The following PRDM16 variants were observed in gnomAD, a reference collection of about 807,000 sequenced individuals.
PRDM16 encodes the protein PR/SET domain 16, also known as histone-lysine N-methyltransferase PRDM16.
PRDM16 carries 23 observed loss-of-function variants against 110.6 expected under a neutral mutation model. The ratio of observed to expected loss-of-function variants is 0.21; its 90% CI spans 0.15 to 0.29. PRDM16 has a LOEUF of 0.29. Among genes scored for constraint, PRDM16 ranks in the 10% least tolerant of loss-of-function variants. PRDM16 has a pLI of 1.00. For synonymous variants in PRDM16, 799 were observed against 781.8 expected, an observed-to-expected ratio of 1.02 and a Z score of -0.37; for missense variants, 1,615 against 1,794.3, an observed-to-expected ratio of 0.90 and a Z score of 1.81.
intron 3 of PRDM16, among the ~76,000 whole-genome samples, chr1:3,288,304 G>A (rs1640901608): frequency 1.3e-5 from 2 of 152,164 alleles, no homozygotes; most frequent in South Asian, 4.1e-4. Flanking sequence ...TGGGTGTCCT[G>A]TGTGGACCCA....
intron 3 of PRDM16, among the ~76,000 whole-genome samples, chr1:3,360,723 A>G (rs1029434497): frequency 6.6e-6 from 1 of 152,344 alleles, no homozygotes; most frequent in Non-Finnish European, 1.5e-5. Context: ...CACAGGGCCC[A>G]GCACGCCCAT....
chr1:3,235,631 C>T (rs1053424807), intron 2 of PRDM16, among the ~76,000 whole-genome samples: 6 of 152,216 alleles, frequency 3.9e-5, no homozygotes, highest in African/African-American at 1.4e-4. Flanking sequence ...CCCGCTCTCA[C>T]CTTGCTCCAT....
rs1219072155 is a variant in PRDM16, at chr1:3,081,063, C to T, written c.37+11767C>T. ...AATCGGGGGGCAGATAGCGTAGCCA[C>T]GAGGGGCTCTCTGGTTTCATGGCTG... On this transcript the variant is annotated intron_variant, in intron 1 of 16. Transcript: ENST00000270722. The surrounding 1 kb of genome is among the most constrained non-coding windows in gnomAD (Gnocchi z 4.6). 6.6e-6 allele frequency among the ~76,000 whole-genome samples: 1 copy of T among 152,098 alleles called. No homozygotes were observed. The highest frequency in any genetic ancestry group is 2.4e-5 in the African/African-American group (1 of 41,396).
chr1:3,199,230 G>A (rs1035716220), intron 2 of PRDM16, among the ~76,000 whole-genome samples: 5 of 152,292 alleles, frequency 3.3e-5, no homozygotes, highest in African/African-American at 7.2e-5. Flanking sequence ...GGGTGCCGCC[G>A]AGGAGCTTGC....
chr1:3,085,640 T>G (rs547054337), intron 1 of PRDM16, among the ~76,000 whole-genome samples: 4 of 152,196 alleles, frequency 2.6e-5, no homozygotes, highest in Non-Finnish European at 5.9e-5. Flanking sequence ...TGTGGTGTCA[T>G]CAAGAACGGG....
rs750822944 is a variant in PRDM16 at position 3,426,075 on chromosome 1, C to T, written c.3134C>T (p.Thr1045Met). 28 of 1,613,600 alleles carry T rather than the reference C, an allele frequency of 1.7e-5. No homozygotes were observed. The highest frequency in any genetic ancestry group is 1.2e-4 in the Admixed American group (7 of 59,982). ...APVSQHPGVL[T>M]NHLGTSASSP... ...GTGAGCCAGCACCCCGGGGTCCTCA[C>T]GAACCACCTGGGGACCAGCGCGTCC... Residue 1045 changes from threonine (T) to methionine (M), a missense_variant, in exon 14 of 17, where the codon ACG becomes ATG. Physicochemically the swap from Thr to Met is moderately conservative, Grantham distance 81. Transcript: ENST00000270722.
rs755741214 is a variant in PRDM16, at chr1:3,417,985, G to C, written c.2849G>C (p.Arg950Pro). The change falls in exon 11 of 17, where the codon CGA becomes CCA. Residue 950 changes from arginine (R) to proline (P), a missense_variant. Arg to Pro is a moderately radical substitution (Grantham distance 103). Around this residue, in one of 5 missense-constraint regions of PRDM16, gnomAD observed 772 missense variants for 748.3 expected, o/e 1.03. Transcript: ENST00000270722. ...SDPILRKGKE[R>P]YTCRYCGKIF... ...CCCATCCTCAGGAAGGGCAAGGAGC[G>C]ATACACGTGCAGGTGAGGGGCCCTT... 2.5e-6 allele frequency: 4 copies of C among 1,611,886 alleles called. No individual in the cohort carries two copies. The African/African-American group carries it at 5.3e-5, about 22-fold the overall frequency.
intron 3 of PRDM16, among the ~76,000 whole-genome samples, chr1:3,321,700 C>T (rs1390314295): frequency 7.1e-6 from 1 of 139,898 alleles, no homozygotes; most frequent in African/African-American, 2.7e-5. Context: ...CGTGTGTGTG[C>T]TTTGTGTGGG....
chr1:3,114,315 GCA>G (rs1184484003), intron 1 of PRDM16, among the ~76,000 whole-genome samples: 2 of 109,346 alleles, frequency 1.8e-5, no homozygotes, highest in Non-Finnish European at 3.6e-5. Context: ...GCACACACAC[GCA>G]CACACGCAGT....
intron 1 of PRDM16, among the ~76,000 whole-genome samples, chr1:3,140,492 C>G (rs1187473092): frequency 6.6e-6 from 1 of 152,138 alleles, no homozygotes; most frequent in Non-Finnish European, 1.5e-5. Flanking sequence ...CTGCAGAGAA[C>G]CGGCCCCGAC....
intron 3 of PRDM16, among the ~76,000 whole-genome samples, chr1:3,334,938 C>G (rs772708243): frequency 3.3e-5 from 5 of 152,230 alleles, no homozygotes; most frequent in African/African-American, 1.2e-4. Context: ...GGGCCATCCA[C>G]GCGTCCAACC....
intron 1 of PRDM16, among the ~76,000 whole-genome samples, chr1:3,107,783 G>C (rs1642698863): frequency 6.6e-6 from 1 of 152,226 alleles, no homozygotes; most frequent in Non-Finnish European, 1.5e-5. Flanking sequence ...TCCTGGTTGT[G>C]CTGGCTGTGG....
intron 4 of PRDM16, among the ~76,000 whole-genome samples, chr1:3,387,669 G>A (rs919996398): frequency 7.2e-5 from 11 of 152,340 alleles, no homozygotes; most frequent in South Asian, 4.1e-4. Context: ...AGCAGGAGCC[G>A]GCCAGAGGCT....
At chr1:3,254,056 G>GT (rs1307712666) in intron 3 of PRDM16, among the ~76,000 whole-genome samples, 2 of 151,916 alleles carry the variant, frequency 1.3e-5, no homozygotes, top group African/African-American at 4.8e-5. Flanking sequence ...TGATGGGGTT[G>GT]TTTTTTTTCT....
chr1:3,409,540 C>G (rs1643632829), intron 8 of PRDM16, among the ~76,000 whole-genome samples: 2 of 152,150 alleles, frequency 1.3e-5, no homozygotes, highest in South Asian at 2.1e-4. Flanking sequence ...CGAAGGAGAT[C>G]AGGCAGCCGA....
Position 3,300,508 on chromosome 1 carries a change from T to C in PRDM16, c.438+56371T>C, listed in dbSNP as rs964337761. 3.4e-4 allele frequency among the ~76,000 whole-genome samples: 52 copies of C among 152,076 alleles called. 1 individual carries two copies. The highest frequency in any genetic ancestry group is 9.2e-4 in the Admixed American group (14 of 15,294). On this transcript the variant is annotated intron_variant, in intron 3 of 16. Coordinates refer to ENST00000270722, the MANE Select transcript of PRDM16 (RefSeq NM_022114.4). ...GTGGCTCTGCCCTGGTTGAAGATGA[T>C]GTGCTGTGGCCGTGATGTTTCCGAT...
At chr1:3,217,085 C>T (rs1184508975) in intron 2 of PRDM16, among the ~76,000 whole-genome samples, 1 of 152,262 alleles carries the variant, frequency 6.6e-6, no homozygotes, top group Non-Finnish European at 1.5e-5. Flanking sequence ...GTGGTGTTTT[C>T]CTCCAGGGCT....
intron 1 of PRDM16, among the ~76,000 whole-genome samples, chr1:3,169,672 C>G (rs1256607408): frequency 6.6e-6 from 1 of 152,266 alleles, no homozygotes; most frequent in African/African-American, 2.4e-5. Flanking sequence ...GCCCGCCCCC[C>G]ACGGGCCCCC....
chr1:3,340,058 G>A (rs1393233849), intron 3 of PRDM16, among the ~76,000 whole-genome samples: 1 of 152,272 alleles, frequency 6.6e-6, no homozygotes, highest in Non-Finnish European at 1.5e-5. Flanking sequence ...GGACGGATTC[G>A]CTGCCCAGGT....
Sources: gnomAD v4.1 joint callset for allele counts (sites outside exome capture counted in the v4.1 genomes callset) on GRCh38, gnomAD v4.1.1 for gene constraint, gnomAD v4.1.1 regional missense constraint, Gnocchi (gnomAD v3.1) non-coding constraint, MANE v1.5 for transcripts, NCBI Gene and HGNC (gene_info 2026-07-23, HGNC 2026-07-21) for gene names.